GOLM2: variants seen among roughly 807,000 people sequenced by gnomAD.
The protein encoded by GOLM2 is protein GOLM2.
In GOLM2, 26 loss-of-function variants were observed where a neutral mutation model predicts 55.9. The ratio of observed to expected loss-of-function variants is 0.47; its 90% confidence interval spans 0.34 to 0.65. The LOEUF (loss-of-function observed/expected upper bound fraction) is 0.65. GOLM2 is among the 30% of genes least tolerant of loss of function. The pLI, the probability that GOLM2 is intolerant of heterozygous loss-of-function variation, is 0.01. For synonymous variants in GOLM2, 165 were observed against 194.6 expected (o/e 0.85, Z 1.27); for missense variants, 486 against 531.8 (o/e 0.91, Z 0.85).
chr15:44,370,390 A>G (rs1344110701), intron 6 of GOLM2, among the ~76,000 whole-genome samples: 9 of 152,184 alleles, frequency 5.9e-5, no homozygotes. Context: ...AGTGTGGCCT[A>G]AAAATGATAA....
intron 1 of GOLM2, among the ~76,000 whole-genome samples, chr15:44,313,349 C>T (rs1448424462): frequency 6.6e-6 from 1 of 152,184 alleles, no homozygotes; most frequent in Non-Finnish European, 1.5e-5. Context: ...GCATTTTCTC[C>T]TCCTACTCCT....
rs529255338 is a variant in GOLM2, at chr15:44,359,054, G to A, written c.803-20636G>A. ...CGCCTCAGCTACTAGGGAGGCTGAG[G>A]CAGGAGAATGGCGTGAACCAGGGAG... On this transcript the variant is annotated intron_variant, in intron 6 of 9. Coordinates refer to ENST00000299957, the MANE Select transcript of GOLM2 (RefSeq NM_138423.4). Among the ~76,000 whole-genome samples the A allele has an allele frequency of 4.5e-3, 678 of 152,140 alleles. 4 individuals carry two copies. The highest frequency in any genetic ancestry group is 0.016 in the African/African-American group (646 of 41,508).
At chr15:44,358,525 A>G (rs1265639092) in intron 6 of GOLM2, among the ~76,000 whole-genome samples, 1 of 152,218 alleles carries the variant, frequency 6.6e-6, no homozygotes, top group African/African-American at 2.4e-5. Flanking sequence ...AAATAGACCA[A>G]TGAAACAGAA....
chr15:44,315,877 C>A (rs892140472), intron 1 of GOLM2, among the ~76,000 whole-genome samples: 1 of 152,080 alleles, frequency 6.6e-6, no homozygotes, highest in Non-Finnish European at 1.5e-5. Context: ...TCAAAAGAAA[C>A]CTTGAAGAAT....
intron 6 of GOLM2, among the ~76,000 whole-genome samples, chr15:44,341,189 T>C (rs1178774813): frequency 6.6e-6 from 1 of 150,930 alleles, no homozygotes; most frequent in African/African-American, 2.4e-5. Flanking sequence ...CATGCCATTC[T>C]CCTGCCTCAG....
At position 44,403,074 on chromosome 15, in the gene GOLM2, C is replaced by G; in HGVS notation, c.1240+20C>G. Reference sequence around the variant, plus strand: ...TCCAAGGTGAGCGTGGGCCTGGCCTCCATGCTATAACCATGAAACCCACCT... The same window carrying G: ...TCCAAGGTGAGCGTGGGCCTGGCCTGCATGCTATAACCATGAAACCCACCT... On this transcript the variant is annotated intron_variant, in intron 9 of 9. Transcript: ENST00000299957. The G allele has an allele frequency of 6.2e-7, 1 of 1,613,726 alleles. No individual in the cohort carries two copies. Among genetic ancestry groups the G allele is most frequent in the East Asian group, 2.2e-5 (1 of 44,870 alleles).
At chr15:44,304,213 G>A (rs889245341) in intron 1 of GOLM2, among the ~76,000 whole-genome samples, 2 of 137,808 alleles carry the variant, frequency 1.5e-5, no homozygotes, top group Non-Finnish European at 1.5e-5. Context: ...ATTCAGTCAC[G>A]TCTTCAGGCT....
At chr15:44,399,769 C>G (rs892628462) in intron 8 of GOLM2, among the ~76,000 whole-genome samples, 2 of 151,928 alleles carry the variant, frequency 1.3e-5, no homozygotes, top group Non-Finnish European at 2.9e-5. Flanking sequence ...CCGAGGCGGG[C>G]GGATCACCTG....
chr15:44,377,160 G>A (rs995758857), intron 6 of GOLM2, among the ~76,000 whole-genome samples: 20 of 152,028 alleles, frequency 1.3e-4, no homozygotes, highest in African/African-American at 4.3e-4. Flanking sequence ...ATTGCTTGAG[G>A]CCAGGAGTTT....
At chr15:44,308,624 A>T (rs1032296448) in intron 1 of GOLM2, 4 of 151,966 alleles carry the variant, frequency 2.6e-5, no homozygotes, top group African/African-American at 9.7e-5. Context: ...TTTTTTAGAG[A>T]CAAGGTCTCT....
At chr15:44,331,871 C>A in intron 3 of GOLM2, 117 bp from the exon 4 acceptor site, 1 of 673,042 alleles carries the variant, frequency 1.5e-6, no homozygotes, top group Non-Finnish European at 2.6e-6. Flanking sequence ...TTTTTTCCAG[C>A]CCACTCTCCC....
At chr15:44,296,281 G>A (rs957177950) in intron 1 of GOLM2, among the ~76,000 whole-genome samples, 2 of 152,076 alleles carry the variant, frequency 1.3e-5, no homozygotes, top group African/African-American at 4.8e-5. Context: ...GCTGTGGCAC[G>A]TCAAGCTCTT....
At chr15:44,333,363 G>T (rs990007765) in intron 4 of GOLM2, among the ~76,000 whole-genome samples, 2 of 151,844 alleles carry the variant, frequency 1.3e-5, no homozygotes, top group Non-Finnish European at 2.9e-5. Context: ...TCAACTAAAG[G>T]ACTAGAAGTT....
chr15:44,337,934 T>C (rs1360333647), intron 5 of GOLM2, 27 bp downstream of exon 5: 1 of 1,558,918 alleles, frequency 6.4e-7, no homozygotes, highest in Non-Finnish European at 8.7e-7. Flanking sequence ...TCTTTTGTTT[T>C]GTATTAATAG....
At chr15:44,316,495 C>G (rs893256823) in intron 1 of GOLM2, among the ~76,000 whole-genome samples, 2 of 152,186 alleles carry the variant, frequency 1.3e-5, no homozygotes, top group Non-Finnish European at 1.5e-5. Context: ...GTGGCTCACG[C>G]CTGTAATCCC....
At chr15:44,382,411 C>A (rs1236757992) in intron 8 of GOLM2, among the ~76,000 whole-genome samples, 1 of 151,988 alleles carries the variant, frequency 6.6e-6, no homozygotes, top group African/African-American at 2.4e-5. Context: ...ACTGCAACCT[C>A]CGCCTCCCAG....
intron 6 of GOLM2, among the ~76,000 whole-genome samples, chr15:44,372,719 C>T (rs1300712658): frequency 6.6e-6 from 1 of 152,128 alleles, no homozygotes; most frequent in Non-Finnish European, 1.5e-5. Flanking sequence ...CAGTCCCAGC[C>T]CCCAGTTACC....
At chr15:44,397,469 AC>A (rs1383703515) in intron 8 of GOLM2, among the ~76,000 whole-genome samples, 1 of 123,096 alleles carries the variant, frequency 8.1e-6, no homozygotes, top group Non-Finnish European at 1.6e-5. Flanking sequence ...ACAGAGCGAG[AC>A]TCCGTCTCAA....
rs1285552288 is a variant in GOLM2, at chr15:44,409,627, T to A, written c.1241-3709T>A. 3.6e-3 allele frequency: 222 copies of A among 60,846 alleles called. 1 individual carries two copies. Among genetic ancestry groups the A allele is most frequent in the African/African-American group, 9.5e-3 (143 of 15,088 alleles). 3.8% of individuals were successfully genotyped at this position (60,846 alleles called of 1,614,324 possible). On this transcript the variant is annotated intron_variant, in intron 9 of 9. Transcript: ENST00000299957. ...AAAAAAAAAAAAAAAAAAAAAAAAATGCTGGGCGCTGTGCCTCACGCCTGT... is the reference window on the plus strand; with the variant it reads ...AAAAAAAAAAAAAAAAAAAAAAAAAAGCTGGGCGCTGTGCCTCACGCCTGT...
Sources: gnomAD v4.1 joint callset for allele counts (sites outside exome capture counted in the v4.1 genomes callset) on GRCh38, gnomAD v4.1.1 for gene constraint, MANE v1.5 for transcripts, NCBI Gene and HGNC (gene_info 2026-07-23, HGNC 2026-07-21) for gene names.